SLC16A2: variants seen among roughly 807,000 people sequenced by gnomAD.
The protein encoded by SLC16A2 is monocarboxylate transporter 8.
Under a neutral mutation model 27.2 loss-of-function variants are expected in SLC16A2, and 3 were observed. That is an observed-to-expected ratio of 0.11 (90% CI 0.05 to 0.28). The LOEUF (loss-of-function observed/expected upper bound fraction) is 0.28. SLC16A2 is among the 10% of genes least tolerant of loss of function. The pLI, the probability that SLC16A2 is intolerant of heterozygous loss-of-function variation, is 1.00. For missense variants in SLC16A2, 295 were observed against 458.5 expected, an observed-to-expected ratio of 0.64 and a Z score of 3.26; for synonymous variants, 202 against 187.8, an observed-to-expected ratio of 1.08 and a Z score of -0.62.
At chrX:74,520,550 G>T (rs1930389357) in intron 1 of SLC16A2, among the ~76,000 whole-genome samples, 1 of 111,707 alleles carries the variant, frequency 9.0e-6, no homozygotes, top group Admixed American at 9.5e-5. Flanking sequence ...AAATCTTTAG[G>T]TGGCCTATGA....
chrX:74,454,723 A>T (rs865896360), intron 1 of SLC16A2, among the ~76,000 whole-genome samples: 1 of 103,330 alleles, frequency 9.7e-6, no homozygotes. Context: ...AACTTAAAAT[A>T]AAAAAAAAAA....
chrX:74,495,354 C>T (rs1222152781), intron 1 of SLC16A2, among the ~76,000 whole-genome samples: 4 of 109,760 alleles, frequency 3.6e-5, no homozygotes, highest in Non-Finnish European at 7.6e-5. Context: ...ACATCCTGGG[C>T]CTGAGCATCC....
intron 1 of SLC16A2, among the ~76,000 whole-genome samples, chrX:74,485,189 C>T (rs1215352067): frequency 3.0e-5 from 3 of 98,978 alleles, no homozygotes; most frequent in African/African-American, 3.8e-5. Flanking sequence ...GCACTCCAGC[C>T]TGAGCAACAA....
chrX:74,464,141 A>G (rs1423707194), intron 1 of SLC16A2, among the ~76,000 whole-genome samples: 1 of 112,475 alleles, frequency 8.9e-6, no homozygotes, highest in Non-Finnish European at 1.9e-5. Context: ...AAATAGTATT[A>G]CATTGTGTTG....
intron 1 of SLC16A2, among the ~76,000 whole-genome samples, chrX:74,439,186 TTTTC>T (rs80044741): frequency 1.1e-3 from 55 of 51,480 alleles, no homozygotes; most frequent in South Asian, 2.2e-3. Context: ...CTTTCTTTCT[TTTTC>T]TTTCTTTCTT....
intron 1 of SLC16A2, among the ~76,000 whole-genome samples, chrX:74,519,750 A>AAAAAAAAAAAAAAC (rs1569298945): frequency 2.6e-5 from 2 of 75,939 alleles, no homozygotes; most frequent in Admixed American, 1.6e-4. Context: ...AACGAAAGAA[A>AAAAAAAAAAAAAAC]GAAAAAGAAA....
chrX:74,521,320 G>A (rs1930402736), intron 2 of SLC16A2, among the ~76,000 whole-genome samples, 186 bp downstream of exon 2: 1 of 112,179 alleles, frequency 8.9e-6, no homozygotes, highest in Admixed American at 9.4e-5. Context: ...AGGACACATT[G>A]GTAGGGAATA....
chrX:74,437,398 C>T (rs1928647945), intron 1 of SLC16A2, among the ~76,000 whole-genome samples: 1 of 112,178 alleles, frequency 8.9e-6, no homozygotes, highest in Admixed American at 9.4e-5. Flanking sequence ...TTCCCTGAAC[C>T]CTAACTTGTT....
chrX:74,491,386 T>G (rs1929822000), intron 1 of SLC16A2, among the ~76,000 whole-genome samples: 1 of 112,293 alleles, frequency 8.9e-6, no homozygotes, highest in Non-Finnish European at 1.9e-5. Flanking sequence ...TGAGTTTGCT[T>G]AAGGACTTGT....
chrX:74,496,275 C>T (rs1246442151), intron 1 of SLC16A2, among the ~76,000 whole-genome samples: 1 of 39,220 alleles, frequency 2.5e-5, no homozygotes, highest in African/African-American at 4.8e-5. Flanking sequence ...CACACACACA[C>T]GCACACACAC....
At chrX:74,529,162 T>A in intron 4 of SLC16A2, 51 bp from the exon 5 acceptor site, 1 of 872,512 alleles carries the variant, frequency 1.1e-6, no homozygotes, top group Non-Finnish European at 1.7e-6. Context: ...TGTGATGCTA[T>A]GTGGTCTTGG....
chrX:74,481,313 A>G (rs1929615223), intron 1 of SLC16A2, among the ~76,000 whole-genome samples: 1 of 111,877 alleles, frequency 8.9e-6, no homozygotes, highest in Non-Finnish European at 1.9e-5. Flanking sequence ...GGTAAAATTC[A>G]CCAGTGAAGA....
intron 1 of SLC16A2, among the ~76,000 whole-genome samples, chrX:74,426,292 T>A (rs1276109995): frequency 8.9e-6 from 1 of 112,194 alleles, no homozygotes; most frequent in Non-Finnish European, 1.9e-5. Context: ...ACACAGCCCT[T>A]GGCCAGGCAT....
intron 1 of SLC16A2, among the ~76,000 whole-genome samples, chrX:74,503,701 C>T (rs1356065776): frequency 1.8e-5 from 2 of 111,622 alleles, no homozygotes; most frequent in African/African-American, 6.5e-5. Flanking sequence ...GCTTCGTATC[C>T]TTGGAGAAGA....
intron 1 of SLC16A2, among the ~76,000 whole-genome samples, chrX:74,480,939 A>T (rs757160262): frequency 1.8e-5 from 2 of 112,440 alleles, no homozygotes; most frequent in South Asian, 7.4e-4. Flanking sequence ...ATTGTGAAAG[A>T]ATGTTATATT....
intron 1 of SLC16A2, among the ~76,000 whole-genome samples, chrX:74,441,004 G>A (rs1928734884): frequency 9.0e-6 from 1 of 110,520 alleles, no homozygotes; most frequent in Non-Finnish European, 1.9e-5. Context: ...GTCTGTCTCT[G>A]TCGCCCAGGC....
Position 74,455,407 on chromosome X carries a change from A to G in SLC16A2, c.430+33340A>G, listed in dbSNP as rs146302399. On this transcript the variant is annotated intron_variant, in intron 1 of 5. Transcript: ENST00000587091. ...TCAGGGTCATTAGGGGATTAACTAT[A>G]AAGTAGAAAATACTAAAGGCCATAA... Among the ~76,000 whole-genome samples the G allele has an allele frequency of 7.9e-3, 877 of 111,443 alleles. 9 individuals carry two copies. The highest frequency in any genetic ancestry group is 0.013 in the Non-Finnish European group (693 of 53,095).
intron 1 of SLC16A2, among the ~76,000 whole-genome samples, chrX:74,439,187 T>TCTTTCTTTCTTTCTTTCTTTCTTTC (rs1273201289): frequency 1.9e-5 from 1 of 53,254 alleles, no homozygotes; most frequent in African/African-American, 1.5e-4. Flanking sequence ...TTTCTTTCTT[T>TCTTTCTTTCTTTCTTTCTTTCTTTC]TTCTTTCTTT....
At chrX:74,520,876 T>C (rs1930395308) in intron 1 of SLC16A2, 114 bp from the exon 2 acceptor site, 2 of 836,637 alleles carry the variant, frequency 2.4e-6, no homozygotes, top group African/African-American at 2.0e-5. Context: ...AAGCTGGCAA[T>C]GCAGACCAAT....
Sources: gnomAD v4.1 joint callset for allele counts (sites outside exome capture counted in the v4.1 genomes callset) on GRCh38, gnomAD v4.1.1 for gene constraint, MANE v1.5 for transcripts, NCBI Gene and HGNC (gene_info 2026-07-23, HGNC 2026-07-21) for gene names.